Variants in NFKBIL1 observed in about 807,000 individuals in gnomAD.
NFKBIL1 encodes the protein NFKB inhibitor like 1.
NFKBIL1 carries 30 observed loss-of-function variants against 45.4 expected under a neutral mutation model. The observed-to-expected ratio is 0.66, with a 90% CI of 0.49 to 0.90. The LOEUF (loss-of-function observed/expected upper bound fraction) is 0.90. Among genes scored for constraint, NFKBIL1 ranks in the 40% least tolerant of loss-of-function variants. NFKBIL1 has a pLI of 0.00. For missense variants in NFKBIL1, 434 were observed against 513.4 expected, an observed-to-expected ratio of 0.85 and a Z score of 1.49; for synonymous variants, 179 against 197.3, an observed-to-expected ratio of 0.91 and a Z score of 0.78.
At chr6:31,551,697 C>T (rs571022005) in intron 2 of NFKBIL1, among the ~76,000 whole-genome samples, 177 of 151,934 alleles carry the variant, frequency 1.2e-3, no homozygotes, top group African/African-American at 3.6e-3. Context: ...TGGGTTCAAG[C>T]GATTCTCCTG....
Position 31,548,240 on chromosome 6 carries a change from G to A in NFKBIL1, c.135G>A (p.Arg45=), listed in dbSNP as rs1291310257. Residue 45 remains arginine (R), a synonymous_variant, in exon 2 of 4, where the codon CGG becomes CGA. Transcript: ENST00000376148. ...TTCGTCGTTACTTGTCTGCAGGACG[G>A]CTGGTCCGGGCCCAGGCCCTCCTCC... is the stretch of plus-strand genomic sequence containing the variant. The part of the protein sequence containing the change: ...RRFRRYLSAG[R]LVRAQALLQR... 6.2e-6 allele frequency: 10 copies of A among 1,613,110 alleles called. No individual in the cohort carries two copies. Among genetic ancestry groups the A allele is most frequent in the East Asian group, 2.2e-5 (1 of 44,884 alleles).
chr6:31,550,881 T>C (rs1026008984), intron 2 of NFKBIL1, among the ~76,000 whole-genome samples: 4 of 151,996 alleles, frequency 2.6e-5, no homozygotes, highest in Non-Finnish European at 5.9e-5. Flanking sequence ...TAGAGACGGT[T>C]TCTCCGTGTT....
Position 31,548,167 on chromosome 6 carries a change from A to G in NFKBIL1, c.62A>G (p.Lys21Arg), listed in dbSNP as rs1772438599. The change falls in exon 2 of 4, where the codon AAG (lysine) becomes AGG (arginine). Residue 21 changes from lysine to arginine, a missense_variant. By Grantham distance (26) the Lys-to-Arg change is conservative (BLOSUM62 2). Coordinates refer to ENST00000376148, the MANE Select transcript of NFKBIL1 (RefSeq NM_005007.4). ...CTGCCTTTTTTCCTTCCCCAGCCCA[A>G]GAGTTCCATGGCCTCCACTTCCCGC... ...EEASTSVCRP[K>R]SSMASTSRRQ... 1.2e-6 allele frequency: 2 copies of G among 1,613,018 alleles called. No individual in the cohort carries two copies. The highest frequency in any genetic ancestry group is 1.3e-5 in the African/African-American group (1 of 74,954).
rs1341869276 is a variant in NFKBIL1 at position 31,557,122 on chromosome 6, T to TG, written c.335-506_335-505insG. Among the ~76,000 whole-genome samples the TG allele has an allele frequency of 1.2e-3, 181 of 151,802 alleles. No individual in the cohort carries two copies. The highest frequency in any genetic ancestry group is 1.1e-3 in the Non-Finnish European group (72 of 67,876). ...CAAGTAAGAATTTTTTTTTTTTTTT[T>TG]TTTGAGACGGAGTCTTGCTCTGTCA... is the stretch of plus-strand genomic sequence containing the variant. On this transcript the variant is annotated intron_variant, in intron 2 of 3. Transcript: ENST00000376148. The surrounding 1 kb of genome is among the most constrained non-coding windows in gnomAD (Gnocchi z 5.4).
upstream of NFKBIL1, among the ~76,000 whole-genome samples, chr6:31,547,219 G>T (rs1226377332): frequency 1.3e-5 from 2 of 151,430 alleles, no homozygotes; most frequent in South Asian, 4.2e-4. Context: ...TGTCCCTGTT[G>T]TTGTCCCACT....
chr6:31,549,128 A>G (rs1769288677), intron 2 of NFKBIL1, among the ~76,000 whole-genome samples: 1 of 152,212 alleles, frequency 6.6e-6, no homozygotes, highest in African/African-American at 2.4e-5. Flanking sequence ...CCATGTTCAG[A>G]GTACCCATGT....
rs146427308 is a variant in NFKBIL1 at position 31,556,600 on chromosome 6, G to C, written c.335-1028G>C. The C allele has an allele frequency of 3.6e-5, 16 of 442,166 alleles. No homozygotes were observed. In the East Asian group the frequency reaches 1.1e-3, roughly 29 times the overall value. The allele number at this position is 442,166 out of a possible 1,614,324, so 27.4% of individuals were successfully genotyped here. A position where few individuals can be genotyped will look rare whatever the true frequency, so the allele number is the denominator to read the frequency against. ...CAGATGCAGCAAGGTTGGGACTGAA[G>C]AAAAGGGGAGTTCAGGAACGTCGGT... On this transcript the variant is annotated intron_variant, in intron 2 of 3. Transcript: ENST00000376148.
At position 31,548,437 on chromosome 6, in the gene NFKBIL1, A is replaced by T. The variant is rs202084376; in HGVS notation, c.332A>T (p.Asp111Val). ...CATGCTGCTGCCCGCCAGGGCCCAGATGGTGAGTCTGCTCAGTGGGGAACA... is the reference window on the plus strand; with the variant it reads ...CATGCTGCTGCCCGCCAGGGCCCAGTTGGTGAGTCTGCTCAGTGGGGAACA... ...ALHAAARQGP[D>V]AYTDFFLPLL... The change falls in exon 2 of 4, where the codon GAT becomes GTT. Residue 111 changes from aspartate (D) to valine (V), a missense_variant and splice_region_variant. Physicochemically the swap from Asp to Val is radical, Grantham distance 152. This residue lies in a region of NFKBIL1 where 231 missense variants were observed against 264.1 expected (regional missense o/e 0.87). Coordinates refer to ENST00000376148, the MANE Select transcript of NFKBIL1 (RefSeq NM_005007.4). The T allele has an allele frequency of 1.5e-4, 231 of 1,503,470 alleles. No homozygotes were observed. The highest frequency in any genetic ancestry group is 2.0e-4 in the Non-Finnish European group (224 of 1,132,570). 93.1% of individuals were successfully genotyped at this position (1,503,470 alleles called of 1,614,324 possible).
chr6:31,558,199 T>C lies in NFKBIL1; in HGVS notation c.734T>C (p.Leu245Pro). ...CGACAGCAGGAGGAGGAGCAGCGGC[T>C]CTTCAGGGAGCGAGCCCGGGCCAAG... Reference protein sequence around the residue: ...SWRQQEEEQRLFRERARAKEE... With the variant: ...SWRQQEEEQRPFRERARAKEE... Residue 245 changes from leucine (L) to proline (P), a missense_variant, in exon 4 of 4, where the codon CTC becomes CCC. Around this residue, in one of 4 missense-constraint regions of NFKBIL1, gnomAD observed 128 missense variants for 106.5 expected, o/e 1.20. Coordinates refer to ENST00000376148, the MANE Select transcript of NFKBIL1 (RefSeq NM_005007.4). The surrounding 1 kb of genome is among the most constrained non-coding windows in gnomAD (Gnocchi z 7.2). 3.7e-6 allele frequency: 6 copies of C among 1,605,414 alleles called. No individual in the cohort carries two copies. Among genetic ancestry groups the C allele is most frequent in the Non-Finnish European group, 5.1e-6 (6 of 1,176,744 alleles).
At chr6:31,549,064 T>G (rs1275826765) in intron 2 of NFKBIL1, among the ~76,000 whole-genome samples, 1 of 152,176 alleles carries the variant, frequency 6.6e-6, no homozygotes, top group African/African-American at 2.4e-5. Flanking sequence ...GTCCATGCTT[T>G]TAACAGCTAC....
intron 2 of NFKBIL1, among the ~76,000 whole-genome samples, chr6:31,549,100 A>T (rs1769286748): frequency 6.6e-6 from 1 of 152,190 alleles, no homozygotes; most frequent in African/African-American, 2.4e-5. Flanking sequence ...ACATTATAGC[A>T]TTGTACATTG....
At position 31,558,266 on chromosome 6, in the gene NFKBIL1, G is replaced by A. The variant is rs945658198; in HGVS notation, c.801G>A (p.Glu267=). 1.3e-6 allele frequency: 2 copies of A among 1,589,612 alleles called. No individual in the cohort carries two copies. The highest frequency in any genetic ancestry group is 1.7e-6 in the Non-Finnish European group (2 of 1,167,940). The part of the protein sequence containing the change: ...LRESRARRAQ[E]ALGDREPKPT... ...AGAGCCGAGCCAGGAGGGCGCAGGA[G>A]GCTCTAGGGGACCGAGAACCCAAGC... The change falls in exon 4 of 4, where the codon GAG becomes GAA. Residue 267 remains glutamate, a synonymous_variant. Coordinates refer to ENST00000376148, the MANE Select transcript of NFKBIL1 (RefSeq NM_005007.4). This position sits in a 1 kb window ranked among gnomAD's most constrained non-coding sequence, Gnocchi z 7.2.
Position 31,548,392 on chromosome 6 carries a change from G to C in NFKBIL1, c.287G>C (p.Arg96Pro). The C allele has an allele frequency of 6.4e-7, 1 of 1,551,586 alleles. No individual in the cohort carries two copies. The highest frequency in any genetic ancestry group is 8.7e-7 in the Non-Finnish European group (1 of 1,152,844). The stretch of plus-strand genomic sequence containing the variant: ...GGGGCTGACCCTGCCCACCAGGACC[G>C]CCATGGGGACACGGCACTGCATGCT... ...RLGADPAHQD[R>P]HGDTALHAAA... The change falls in exon 2 of 4, where the codon CGC becomes CCC. Residue 96 changes from arginine to proline, a missense_variant. Coordinates refer to ENST00000376148, the MANE Select transcript of NFKBIL1 (RefSeq NM_005007.4).
rs1769942406 is a variant in NFKBIL1, at chr6:31,558,784, C to T, written c.*173C>T. The T allele has an allele frequency of 8.7e-6, 5 of 573,954 alleles. No individual in the cohort carries two copies. The Admixed American group carries it at 1.5e-4, about 17-fold the overall frequency. The allele number at this position is 573,954 out of a possible 1,614,324, so 35.6% of individuals were successfully genotyped here. A position where few individuals can be genotyped will look rare whatever the true frequency, so the allele number is the denominator to read the frequency against. On this transcript the variant is annotated 3_prime_UTR_variant, in exon 4 of 4. Coordinates refer to ENST00000376148, the MANE Select transcript of NFKBIL1 (RefSeq NM_005007.4). The surrounding 1 kb of genome is among the most constrained non-coding windows in gnomAD (Gnocchi z 7.2). ...TGGGGGGTGCGGGCCGCCACCACTG[C>T]TCCTTGACTCTGCCGTTTCCTAATA...
chr6:31,556,133 G>A (rs918837266), intron 2 of NFKBIL1, among the ~76,000 whole-genome samples: 1 of 151,928 alleles, frequency 6.6e-6, no homozygotes, highest in African/African-American at 2.4e-5. Flanking sequence ...GAGCTCAGGT[G>A]GGGAACAAGC....
intron 2 of NFKBIL1, among the ~76,000 whole-genome samples, chr6:31,555,607 CT>C (rs1769684245): frequency 8.0e-6 from 1 of 124,590 alleles, no homozygotes; most frequent in Non-Finnish European, 1.7e-5. Flanking sequence ...CTCTCTCTCT[CT>C]CTTTTTTTTT....
rs746145135 is a variant in NFKBIL1, at chr6:31,548,432, C to A, written c.327C>A (p.Gly109=). 2 of 1,505,020 alleles carry A rather than the reference C, an allele frequency of 1.3e-6. No homozygotes were observed. The highest frequency in any genetic ancestry group is 1.8e-6 in the Non-Finnish European group (2 of 1,133,214). 93.2% of individuals were successfully genotyped at this position (1,505,020 alleles called of 1,614,324 possible). ...DTALHAAARQ[G]PDAYTDFFLP... ...CACTGCATGCTGCTGCCCGCCAGGG[C>A]CCAGATGGTGAGTCTGCTCAGTGGG... Residue 109 remains glycine, a synonymous_variant, in exon 2 of 4, where the codon GGC becomes GGA. Coordinates refer to ENST00000376148, the MANE Select transcript of NFKBIL1 (RefSeq NM_005007.4).
rs1020451253 is a variant in NFKBIL1, at chr6:31,548,306, A to C, written c.201A>C (p.Pro67=). 2.5e-6 allele frequency: 4 copies of C among 1,606,316 alleles called. No homozygotes were observed. The highest frequency in any genetic ancestry group is 4.5e-5 in the East Asian group (2 of 44,786). ...TCGATGTAGATGCTGGGCAGCCCCC[A>C]CCACTGCACCGGGCCTGTGCCCGCC... ...PGLDVDAGQP[P]PLHRACARHD... is the part of the protein sequence containing the mutation. Residue 67 remains proline (P), a synonymous_variant, in exon 2 of 4, where the codon CCA becomes CCC. Coordinates refer to ENST00000376148, the MANE Select transcript of NFKBIL1 (RefSeq NM_005007.4).
At chr6:31,549,053 T>C (rs1339137204) in intron 2 of NFKBIL1, among the ~76,000 whole-genome samples, 2 of 152,086 alleles carry the variant, frequency 1.3e-5, no homozygotes, top group Non-Finnish European at 2.9e-5. Context: ...CTAGATAGAG[T>C]GTCCATGCTT....
Sources: allele counts gnomAD v4.1 joint callset (sites outside exome capture counted in the v4.1 genomes callset), GRCh38; gene constraint gnomAD v4.1.1; regional missense constraint gnomAD v4.1.1; non-coding constraint Gnocchi (gnomAD v3.1); transcripts MANE v1.5; gene names NCBI Gene and HGNC (gene_info 2026-07-23, HGNC 2026-07-21).